Variants in SLC35F4 observed in about 807,000 individuals in gnomAD.
The protein encoded by SLC35F4 is chromosome 14 open reading frame 36.
A neutral mutation model predicts 44.2 loss-of-function variants in SLC35F4; 24 were observed. The ratio of observed to expected loss-of-function variants is 0.54; its 90% CI spans 0.39 to 0.76. SLC35F4 has a LOEUF of 0.76. Among genes scored for constraint, SLC35F4 ranks in the 30% least tolerant of loss-of-function variants. SLC35F4 has a pLI of 0.00. For missense variants in SLC35F4, 562 were observed against 586.1 expected (o/e 0.96, Z 0.42); for synonymous variants, 238 against 223.6 (o/e 1.06, Z -0.57).
intron 1 of SLC35F4, among the ~76,000 whole-genome samples, chr14:57,776,373 G>GA (rs1312257008): frequency 1.3e-5 from 2 of 151,944 alleles, no homozygotes; most frequent in African/African-American, 2.4e-5. Context: ...CAAAATGAAA[G>GA]AAAAAAACAT....
At chr14:57,570,255 G>A (rs763133556) in intron 5 of SLC35F4, among the ~76,000 whole-genome samples, 6 of 152,136 alleles carry the variant, frequency 3.9e-5, no homozygotes, top group Non-Finnish European at 7.3e-5. Flanking sequence ...ATCAGTGATG[G>A]GTATTGGGTG....
chr14:57,766,480 C>T (rs114066310), intron 1 of SLC35F4, among the ~76,000 whole-genome samples: 209 of 152,276 alleles, frequency 1.4e-3, no homozygotes, highest in African/African-American at 4.8e-3. Flanking sequence ...ATATGGCTCT[C>T]ATTGTCAGCC....
intron 1 of SLC35F4, among the ~76,000 whole-genome samples, chr14:57,753,912 A>T (rs756533313): frequency 6.6e-6 from 1 of 152,070 alleles, no homozygotes; most frequent in Non-Finnish European, 1.5e-5. Flanking sequence ...GTGTCTGAGC[A>T]GCCTTGAAAG....
intron 1 of SLC35F4, among the ~76,000 whole-genome samples, chr14:57,722,814 CAA>C (rs1368228067): frequency 6.6e-6 from 1 of 152,126 alleles, no homozygotes; most frequent in Non-Finnish European, 1.5e-5. Flanking sequence ...GGACAAAAGA[CAA>C]ATTTGAATTA....
At chr14:57,684,953 T>C (rs2075025005) in intron 1 of SLC35F4, among the ~76,000 whole-genome samples, 1 of 152,190 alleles carries the variant, frequency 6.6e-6, no homozygotes, top group South Asian at 2.1e-4. Flanking sequence ...GCTTACAGGA[T>C]AATTAGCCCT....
intron 1 of SLC35F4, among the ~76,000 whole-genome samples, chr14:57,750,570 T>A (rs1333128299): frequency 2.6e-5 from 4 of 152,248 alleles, no homozygotes; most frequent in African/African-American, 7.2e-5. Flanking sequence ...TAATAGCCAT[T>A]CTAACTGGGT....
chr14:57,638,167 ACT>A (rs1230270960), intron 1 of SLC35F4, among the ~76,000 whole-genome samples: 5 of 152,184 alleles, frequency 3.3e-5, no homozygotes, highest in African/African-American at 1.2e-4. Context: ...CCACTAGCAG[ACT>A]CTGAGTAACT....
chr14:57,905,156 G>T lies in SLC35F4; in HGVS notation n.282+76757C>A, dbSNP rs79972591. On this transcript the variant is annotated intron_variant and non_coding_transcript_variant, in intron 1 of 1. Transcript: ENST00000556568. Reference sequence around the variant, plus strand: ...CCAATCTGAATTATTAACTGGGGCTGGAGGATCTGCTACGAAGGTGACTCA... The same window carrying T: ...CCAATCTGAATTATTAACTGGGGCTTGAGGATCTGCTACGAAGGTGACTCA... 5.1e-3 allele frequency among the ~76,000 whole-genome samples: 780 copies of T among 152,294 alleles called. 8 individuals are homozygous for T. Among genetic ancestry groups the T allele is most frequent in the African/African-American group, 0.018 (749 of 41,552 alleles).
intron 1 of SLC35F4, among the ~76,000 whole-genome samples, chr14:57,677,418 A>T (rs77679542): frequency 4.0e-5 from 6 of 151,388 alleles, no homozygotes; most frequent in Admixed American, 1.3e-4. Flanking sequence ...AAAAAAATAA[A>T]AATTATTTAA....
intron 1 of SLC35F4, among the ~76,000 whole-genome samples, chr14:57,687,642 C>A (rs987678563): frequency 1.3e-5 from 2 of 152,116 alleles, no homozygotes; most frequent in Admixed American, 1.3e-4. Context: ...ACCTCCTGTG[C>A]CCTTTATTCT....
intron 1 of SLC35F4, among the ~76,000 whole-genome samples, chr14:57,949,956 A>G (rs1890105391): frequency 6.6e-6 from 1 of 152,112 alleles, no homozygotes. Context: ...ACAGGTCTTA[A>G]GATTCTTTCC....
At chr14:57,743,323 G>T (rs1055979011) in intron 1 of SLC35F4, among the ~76,000 whole-genome samples, 1 of 151,976 alleles carries the variant, frequency 6.6e-6, no homozygotes, top group South Asian at 2.1e-4. Flanking sequence ...TTGATAGGCC[G>T]CTAGCAAGAC....
intron 2 of SLC35F4, among the ~76,000 whole-genome samples, chr14:57,589,922 C>G (rs2070049341): frequency 6.6e-6 from 1 of 152,180 alleles, no homozygotes; most frequent in Non-Finnish European, 1.5e-5. Flanking sequence ...CAAGGTCCTA[C>G]CAGCTCTCTT....
chr14:57,806,211 A>C (rs1283031273), intron 1 of SLC35F4, among the ~76,000 whole-genome samples: 1 of 152,192 alleles, frequency 6.6e-6, no homozygotes, highest in East Asian at 1.9e-4. Flanking sequence ...TGATCTTCAA[A>C]AGTTTTGTTT....
upstream of SLC35F4, among the ~76,000 whole-genome samples, chr14:57,869,892 C>T (rs866592717): frequency 6.6e-5 from 10 of 152,312 alleles, no homozygotes; most frequent in South Asian, 1.0e-3. Context: ...CACAGCCTTT[C>T]TGTTTCAATA....
chr14:57,714,259 C>T (rs917833223), intron 1 of SLC35F4, among the ~76,000 whole-genome samples: 11 of 152,170 alleles, frequency 7.2e-5, no homozygotes, highest in African/African-American at 2.7e-4. Context: ...GACAATAATG[C>T]ATCCACTCTT....
chr14:57,716,274 C>T (rs1034600900), intron 1 of SLC35F4, among the ~76,000 whole-genome samples: 1 of 147,100 alleles, frequency 6.8e-6, no homozygotes, highest in Non-Finnish European at 1.5e-5. Context: ...TTTGAGGGTA[C>T]CAGGTAATTT....
chr14:57,768,672 T>G (rs552044615), intron 1 of SLC35F4, among the ~76,000 whole-genome samples: 1 of 152,178 alleles, frequency 6.6e-6, no homozygotes, highest in Non-Finnish European at 1.5e-5. Flanking sequence ...AAATTATATA[T>G]GGAATGACAG....
At chr14:57,737,063 G>A (rs1043874648) in intron 1 of SLC35F4, among the ~76,000 whole-genome samples, 7 of 151,690 alleles carry the variant, frequency 4.6e-5, no homozygotes, top group African/African-American at 4.8e-5. Flanking sequence ...TTTTTCTCTA[G>A]TAACAGATAC....
Sources: gnomAD v4.1 joint callset for allele counts (sites outside exome capture counted in the v4.1 genomes callset) on GRCh38, gnomAD v4.1.1 for gene constraint, MANE v1.5 for transcripts, NCBI Gene and HGNC (gene_info 2026-07-23, HGNC 2026-07-21) for gene names.